Variants in RFX2 observed in about 807,000 individuals in gnomAD.
RFX2 encodes the protein regulatory factor X2, also known as DNA-binding protein RFX2.
A neutral mutation model predicts 87.8 loss-of-function variants in RFX2; 20 were observed. The ratio of observed to expected loss-of-function variants is 0.23; its 90% confidence interval spans 0.16 to 0.33. RFX2 has a LOEUF of 0.33. Ranked by LOEUF, RFX2 falls within the 10% of genes least tolerant of loss-of-function variation. RFX2 has a pLI of 1.00. For synonymous variants in RFX2, 397 were observed against 431.3 expected, an observed-to-expected ratio of 0.92 and a Z score of 0.98; for missense variants, 767 against 1,012.3, an observed-to-expected ratio of 0.76 and a Z score of 3.29.
At chr19:6,029,062 G>C (rs2086923557) in intron 5 of RFX2, among the ~76,000 whole-genome samples, 1 of 145,520 alleles carries the variant, frequency 6.9e-6, no homozygotes, top group Non-Finnish European at 1.5e-5. Flanking sequence ...CTGGCCAACA[G>C]AGTGAGACTG....
chr19:6,017,854 T>C lies in RFX2; in HGVS notation c.598-1583A>G, dbSNP rs1181343552. ...TGTCCCCTGGGAAATATCTGTCCAC[T>C]CACCACAGCGTACCCATGGCACCCC... On this transcript the variant is annotated intron_variant, in intron 6 of 17. Coordinates refer to ENST00000303657, the MANE Select transcript of RFX2 (RefSeq NM_000635.4). This position sits in a 1 kb window ranked among gnomAD's most constrained non-coding sequence, Gnocchi z 4.1. Among the ~76,000 whole-genome samples, 1 of 151,634 alleles carries C rather than the reference T, an allele frequency of 6.6e-6. No individual in the cohort carries two copies. The highest frequency in any genetic ancestry group is 1.9e-4 in the East Asian group (1 of 5,136).
At chr19:6,034,821 T>C (rs2086999532) in intron 5 of RFX2, among the ~76,000 whole-genome samples, 1 of 152,212 alleles carries the variant, frequency 6.6e-6, no homozygotes, top group Non-Finnish European at 1.5e-5. Context: ...CTGAACCTTT[T>C]CTAGTTCTGA....
Position 6,002,094 on chromosome 19 carries a change from C to G in RFX2, c.1651-71G>C. The G allele has an allele frequency of 7.4e-7, 1 of 1,360,214 alleles. No homozygotes were observed. Among genetic ancestry groups the G allele is most frequent in the Non-Finnish European group, 1.0e-6 (1 of 1,002,238 alleles). 84.3% of individuals were successfully genotyped at this position (1,360,214 alleles called of 1,614,324 possible). ...CACGGCAGCCCTCCCTGGACCTAGC[C>G]ATGCTCAGGGCGGGACATCGTGCTG... On this transcript the variant is annotated intron_variant, in intron 14 of 17. Transcript: ENST00000303657. The surrounding 1 kb of genome is among the most constrained non-coding windows in gnomAD (Gnocchi z 6.7).
At chr19:6,032,046 T>C (rs145992025) in intron 5 of RFX2, among the ~76,000 whole-genome samples, 143 of 152,354 alleles carry the variant, frequency 9.4e-4, no homozygotes, top group Middle Eastern at 3.4e-3. Context: ...CATGTTACCA[T>C]AGAAGGAGCC....
In RFX2 at chr19:5,994,748, C is replaced by T; in HGVS notation, c.*87G>A. On this transcript the variant is annotated 3_prime_UTR_variant, in exon 18 of 18. Transcript: ENST00000303657. Reference sequence around the variant, plus strand: ...TAAACATCACATCATCTAAGAGGCACTAATTTGGTGGAGCCGGTGAAATCC... The same window carrying T: ...TAAACATCACATCATCTAAGAGGCATTAATTTGGTGGAGCCGGTGAAATCC... 1 of 845,466 alleles carries T rather than the reference C, an allele frequency of 1.2e-6. No homozygotes were observed. The highest frequency in any genetic ancestry group is 1.9e-6 in the Non-Finnish European group (1 of 521,104). The allele number at this position is 845,466 out of a possible 1,614,324, so 52.4% of individuals were successfully genotyped here. A position where few individuals can be genotyped will look rare whatever the true frequency, so the allele number is the denominator to read the frequency against.
intron 1 of RFX2, among the ~76,000 whole-genome samples, chr19:6,082,411 T>C (rs2087798246): frequency 6.6e-6 from 1 of 152,110 alleles, no homozygotes; most frequent in East Asian, 1.9e-4. Context: ...TCTCCTGAAT[T>C]GATGTCTATC....
At chr19:6,057,819 C>T (rs538056926) in intron 1 of RFX2, among the ~76,000 whole-genome samples, 1 of 152,320 alleles carries the variant, frequency 6.6e-6, no homozygotes, top group African/African-American at 2.4e-5. Context: ...TCTTAACACT[C>T]CCAGTGTCAT....
In RFX2 at chr19:6,040,684, A is replaced by G. The variant is rs1015414570; in HGVS notation, c.261-443T>C. On this transcript the variant is annotated intron_variant, in intron 4 of 17. Coordinates refer to ENST00000303657, the MANE Select transcript of RFX2 (RefSeq NM_000635.4). The surrounding 1 kb of genome is among the most constrained non-coding windows in gnomAD (Gnocchi z 6.1). ...TGAGGTGGGAGGACTGCTTGAGCCCAGGACTTTGAGGTTACAGTGAGCTGT... is the reference window on the plus strand; with the variant it reads ...TGAGGTGGGAGGACTGCTTGAGCCCGGGACTTTGAGGTTACAGTGAGCTGT... Among the ~76,000 whole-genome samples the G allele has an allele frequency of 6.6e-6, 1 of 152,190 alleles. No individual in the cohort carries two copies. Among genetic ancestry groups the G allele is most frequent in the Non-Finnish European group, 1.5e-5 (1 of 68,030 alleles).
Position 6,004,168 on chromosome 19 carries a change from C to T in RFX2, c.1500+33G>A, listed in dbSNP as rs574951188. The stretch of plus-strand genomic sequence containing the variant: ...CTGGACTGGAGCCCCTCCCAGCCAT[C>T]GTTGGGGAGCCCAGGCCCCACCCCG... On this transcript the variant is annotated intron_variant, in intron 13 of 17. Coordinates refer to ENST00000303657, the MANE Select transcript of RFX2 (RefSeq NM_000635.4). The surrounding 1 kb of genome is among the most constrained non-coding windows in gnomAD (Gnocchi z 4.8). 5.3e-5 allele frequency: 82 copies of T among 1,534,502 alleles called. No homozygotes were observed. Among genetic ancestry groups the T allele is most frequent in the Admixed American group, 1.8e-4 (11 of 59,870 alleles).
intron 1 of RFX2, among the ~76,000 whole-genome samples, chr19:6,104,728 T>C (rs1165216597): frequency 6.6e-6 from 1 of 152,174 alleles, no homozygotes; most frequent in Non-Finnish European, 1.5e-5. Context: ...TCTTCATTTC[T>C]ACATATGCTT....
chr19:6,008,247 T>C, intron 9 of RFX2, 23 bp from the exon 10 acceptor site: 1 of 1,484,694 alleles, frequency 6.7e-7, no homozygotes, highest in Non-Finnish European at 9.1e-7. Context: ...CACGGGAACA[T>C]CAGAAATGGC....
At chr19:6,072,934 C>A in intron 1 of RFX2, 1 of 821,310 alleles carries the variant, frequency 1.2e-6, no homozygotes. Flanking sequence ...CTGGAGGAAA[C>A]CCAGAGGTAT....
At chr19:5,995,991 C>T (rs2086400983) in intron 16 of RFX2, among the ~76,000 whole-genome samples, 3 of 152,250 alleles carry the variant, frequency 2.0e-5, no homozygotes, top group African/African-American at 7.2e-5. Context: ...GAAGTCTGTA[C>T]ACAGCAGGAA....
At chr19:5,995,733 G>T in intron 16 of RFX2, 90 bp from the exon 17 acceptor site, 1 of 1,131,818 alleles carries the variant, frequency 8.8e-7, no homozygotes, top group Non-Finnish European at 1.3e-6. Flanking sequence ...ACCTTGCCTT[G>T]AGCCACGTCC....
intron 6 of RFX2, among the ~76,000 whole-genome samples, chr19:6,019,561 CTTTTT>C (rs371545871): frequency 9.8e-6 from 1 of 102,496 alleles, no homozygotes. Flanking sequence ...CTTTTATATA[CTTTTT>C]TTTTTTTTTA....
At chr19:6,036,057 A>G (rs545418608) in intron 5 of RFX2, among the ~76,000 whole-genome samples, 1 of 152,280 alleles carries the variant, frequency 6.6e-6, no homozygotes, top group East Asian at 1.9e-4. Context: ...TTCTCAGTAA[A>G]TTTGTGACTT....
intron 1 of RFX2, among the ~76,000 whole-genome samples, chr19:6,090,123 G>A (rs7246824): frequency 6.6e-6 from 1 of 151,870 alleles, no homozygotes; most frequent in African/African-American, 2.4e-5. Flanking sequence ...CACCACACCT[G>A]GCTATTTTTG....
At position 6,002,076 on chromosome 19, in the gene RFX2, G is replaced by C. The variant is rs1599838769; in HGVS notation, c.1651-53C>G. 10 of 1,482,824 alleles carry C rather than the reference G, an allele frequency of 6.7e-6. No homozygotes were observed. The highest frequency in any genetic ancestry group is 8.2e-6 in the Non-Finnish European group (9 of 1,097,934). 91.9% of individuals were successfully genotyped at this position (1,482,824 alleles called of 1,614,324 possible). ...GCAATGTGGACCCCCAGCCACGGCA[G>C]CCCTCCCTGGACCTAGCCATGCTCA... On this transcript the variant is annotated intron_variant, in intron 14 of 17. Transcript: ENST00000303657. The surrounding 1 kb of genome is among the most constrained non-coding windows in gnomAD (Gnocchi z 6.7).
intron 2 of RFX2, among the ~76,000 whole-genome samples, chr19:6,046,538 G>A (rs1198447400): frequency 2.1e-5 from 3 of 144,560 alleles, no homozygotes; most frequent in South Asian, 2.2e-4. Context: ...CAGCCTGGGC[G>A]ACAGAGCGAG....
Sources: gnomAD v4.1 joint callset for allele counts (sites outside exome capture counted in the v4.1 genomes callset) on GRCh38, gnomAD v4.1.1 for gene constraint, Gnocchi (gnomAD v3.1) non-coding constraint, MANE v1.5 for transcripts, NCBI Gene and HGNC (gene_info 2026-07-23, HGNC 2026-07-21) for gene names.